The following ODAD3 variants were observed in gnomAD, a reference collection of about 807,000 sequenced individuals.
ODAD3 encodes the protein outer dynein arm docking complex subunit 3.
A neutral mutation model predicts 70.9 loss-of-function variants in ODAD3; 57 were observed. That is an observed-to-expected ratio of 0.80 (90% CI 0.65 to 1.00). ODAD3 has a LOEUF of 1.00. ODAD3 is among the 50% of genes least tolerant of loss of function. ODAD3 has a pLI of 0.00. For missense variants in ODAD3, 797 were observed against 763.9 expected (o/e 1.04, Z -0.51); for synonymous variants, 327 against 315.9 (o/e 1.04, Z -0.37).
At position 11,426,233 on chromosome 19, in the gene ODAD3, G is replaced by A. The variant is rs1308843878; in HGVS notation, c.874C>T (p.Arg292Ter). ...QLQYLEETLV[R>*]ERKKRERYIS... is the part of the protein sequence containing the mutation. Reference sequence around the variant, plus strand: ...TAGCGTTCCCGCTTCTTGCGCTCTCGAACCAAGGTCTCCTCTAGGTACTGC... The same window carrying A: ...TAGCGTTCCCGCTTCTTGCGCTCTCAAACCAAGGTCTCCTCTAGGTACTGC... Residue 292 changes from arginine (R) to a stop codon, truncating the protein, a stop_gained, in exon 7 of 13, where the codon CGA becomes TGA. Transcript: ENST00000356392. LOFTEE classifies it high-confidence loss of function. 1.9e-6 allele frequency: 3 copies of A among 1,613,736 alleles called. No homozygotes were observed. Among genetic ancestry groups the A allele is most frequent in the Non-Finnish European group, 1.7e-6 (2 of 1,179,958 alleles).
upstream of ODAD3, chr19:11,435,285 G>C (rs991792475): frequency 3.5e-5 from 38 of 1,091,174 alleles, no homozygotes; most frequent in Admixed American, 7.2e-4. Context: ...CAGTGGGCGG[G>C]GTAGAGCCGC....
intron 7 of ODAD3, among the ~76,000 whole-genome samples, chr19:11,425,407 A>G (rs200627919): frequency 8.1e-5 from 9 of 110,588 alleles, no homozygotes; most frequent in East Asian, 5.3e-4. Context: ...ATATGTATAT[A>G]TACATATATG....
chr19:11,433,579 T>C (rs913205396), intron 1 of ODAD3, among the ~76,000 whole-genome samples: 1 of 152,170 alleles, frequency 6.6e-6, no homozygotes, highest in Non-Finnish European at 1.5e-5. Context: ...TCCCCCAAGG[T>C]TGGACAACTA....
Position 11,430,772 on chromosome 19 carries a change from T to C in ODAD3, c.371A>G (p.Asp124Gly), listed in dbSNP as rs1969486155. 1.2e-6 allele frequency: 2 copies of C among 1,613,962 alleles called. No individual in the cohort carries two copies. The highest frequency in any genetic ancestry group is 8.5e-7 in the Non-Finnish European group (1 of 1,179,996). ...ELKLLDLLKG[D>G]EKVVQAVIRE... is the part of the protein sequence containing the mutation. ...AATCACTGCCTGGACCACTTTCTCA[T>C]CTCCCTGCAAGGAGGGAAGTCCAGT... Residue 124 changes from aspartate (D) to glycine (G), a missense_variant, in exon 3 of 13, where the codon GAT (aspartate) becomes GGT (glycine). Coordinates refer to ENST00000356392, the MANE Select transcript of ODAD3 (RefSeq NM_145045.5).
chr19:11,426,997 T>G lies in ODAD3; in HGVS notation c.488A>C (p.Gln163Pro), dbSNP rs1468557344. The change falls in exon 4 of 13, where the codon CAG becomes CCG. Residue 163 changes from glutamine to proline, a missense_variant. Transcript: ENST00000356392. ...LDHRLREKVK[Q>P]QNALRHQVVL... is the part of the protein sequence containing the mutation. ...CACCTGGTGCCGCAGGGCGTTCTGC[T>G]GCTTCACCTTCTCCCTCAGCCGGTG... 6.2e-7 allele frequency: 1 copy of G among 1,603,826 alleles called. No homozygotes were observed. Among genetic ancestry groups the G allele is most frequent in the Non-Finnish European group, 8.5e-7 (1 of 1,179,054 alleles).
At chr19:11,428,865 ATTTATTTAT>A (rs1568352869) in intron 3 of ODAD3, among the ~76,000 whole-genome samples, 1 of 117,832 alleles carries the variant, frequency 8.5e-6, no homozygotes, top group African/African-American at 2.9e-5. Flanking sequence ...TTTATTTTTT[ATTTATTTAT>A]TTATTTATTT....
chr19:11,435,360 A>C, upstream of ODAD3: 2 of 494,060 alleles, frequency 4.0e-6, no homozygotes, highest in Non-Finnish European at 6.8e-6. Flanking sequence ...TACCTCCCCC[A>C]ACCTTATCCC....
In ODAD3 at chr19:11,421,890, A is replaced by G. The variant is rs1157675411; in HGVS notation, c.1435-58T>C. ...GGGGTGGGGCCTCTTGGAAGGCTCC[A>G]CCCAGGGGCGGGGCTTTTCTTTCGG... On this transcript the variant is annotated intron_variant, in intron 10 of 12. Coordinates refer to ENST00000356392, the MANE Select transcript of ODAD3 (RefSeq NM_145045.5). 7 of 1,530,228 alleles carry G rather than the reference A, an allele frequency of 4.6e-6. No individual in the cohort carries two copies. The African/African-American group carries it at 7.0e-5, about 15-fold the overall frequency. 94.8% of individuals were successfully genotyped at this position (1,530,228 alleles called of 1,614,324 possible). A position where few individuals can be genotyped will look rare whatever the true frequency, so the allele number is the denominator to read the frequency against.
intron 7 of ODAD3, among the ~76,000 whole-genome samples, chr19:11,425,389 A>G (rs946451915): frequency 1.7e-5 from 2 of 120,950 alleles, no homozygotes; most frequent in Admixed American, 7.7e-5. Flanking sequence ...GTGTATGTAC[A>G]TATGTGTATA....
intron 5 of ODAD3, 39 bp downstream of exon 5, chr19:11,426,644 C>T (rs1969382333): frequency 6.2e-7 from 1 of 1,613,592 alleles, no homozygotes; most frequent in African/African-American, 1.3e-5. Flanking sequence ...AGCCCGCCCT[C>T]CCTGTTTGTC....
intron 11 of ODAD3, 28 bp from the exon 12 acceptor site, chr19:11,421,240 A>G (rs1214750472): frequency 1.2e-6 from 2 of 1,601,234 alleles, no homozygotes; most frequent in African/African-American, 1.3e-5. Flanking sequence ...GCGAGAGAGG[A>G]AGGTGGGCGG....
chr19:11,435,388 G>A, upstream of ODAD3: 4 of 422,192 alleles, frequency 9.5e-6, no homozygotes, highest in Middle Eastern at 1.7e-3. Flanking sequence ...GGGGTTCGCG[G>A]GCATTTTTCA....
Position 11,426,797 on chromosome 19 carries a change from A to G in ODAD3, c.613-13T>C. The G allele has an allele frequency of 6.2e-7, 1 of 1,613,810 alleles. No homozygotes were observed. Among genetic ancestry groups the G allele is most frequent in the Non-Finnish European group, 8.5e-7 (1 of 1,179,864 alleles). ...GGTTCCGCATGGTCTGGAGAGCAGC[A>G]GGGCTGGGCTGAGGGCCCTCCGCAC... On this transcript the variant is annotated splice_polypyrimidine_tract_variant and intron_variant, in intron 4 of 12. Transcript: ENST00000356392.
At chr19:11,435,379 G>A, upstream of ODAD3, 2 of 435,926 alleles carry the variant, frequency 4.6e-6, no homozygotes, top group Non-Finnish European at 4.1e-6. Flanking sequence ...CCGCCCCTGG[G>A]GGTTCGCGGG....
intron 3 of ODAD3, among the ~76,000 whole-genome samples, chr19:11,429,413 T>G (rs1199151150): frequency 6.6e-6 from 1 of 151,792 alleles, no homozygotes; most frequent in Non-Finnish European, 1.5e-5. Flanking sequence ...TATTTTTTAT[T>G]TATGTATTTA....
Position 11,420,850 on chromosome 19 carries a change from G to A in ODAD3, c.1773C>T (p.Arg591=). 1 of 1,614,014 alleles carries A rather than the reference G, an allele frequency of 6.2e-7. No individual in the cohort carries two copies. The highest frequency in any genetic ancestry group is 1.7e-5 in the Admixed American group (1 of 60,018). The change falls in exon 13 of 13, where the codon CGC becomes CGT. Residue 591 remains arginine (R), a synonymous_variant. Coordinates refer to ENST00000356392, the MANE Select transcript of ODAD3 (RefSeq NM_145045.5). ...CAGGACGAGTCTAGGACCTCCGAGA[G>A]CGACGGTGCTTCTTGTGACTTTCGA... The part of the protein sequence containing the change: ...KLIESHKKHR[R]SRRS
At position 11,423,858 on chromosome 19, in the gene ODAD3, G is replaced by A; in HGVS notation, c.1116+19C>T. Reference sequence around the variant, plus strand: ...GGTGGGGGGGGGGCGCGGCGGAGAGGGCTGCGGGCAGAACTCACGTGCGTC... The same window carrying A: ...GGTGGGGGGGGGGCGCGGCGGAGAGAGCTGCGGGCAGAACTCACGTGCGTC... On this transcript the variant is annotated intron_variant, in intron 8 of 12. Coordinates refer to ENST00000356392, the MANE Select transcript of ODAD3 (RefSeq NM_145045.5). 1 of 1,594,468 alleles carries A rather than the reference G, an allele frequency of 6.3e-7. No individual in the cohort carries two copies. The highest frequency in any genetic ancestry group is 8.6e-7 in the Non-Finnish European group (1 of 1,169,422).
rs1183370663 is a variant in ODAD3 at position 11,423,900 on chromosome 19, C to T, written c.1093G>A (p.Ala365Thr). The change falls in exon 8 of 13, where the codon GCC becomes ACC. Residue 365 changes from alanine (A) to threonine (T), a missense_variant. By Grantham distance (58) the Ala-to-Thr change is moderately conservative. Transcript: ENST00000356392. ...MEVIFGKVKDATGTDETHSLV... is the reference protein window; with the variant it reads ...MEVIFGKVKDTTGTDETHSLV... The stretch of plus-strand genomic sequence containing the variant: ...ACGTGCGTCTCGTCAGTGCCAGTGG[C>T]GTCCTTGACCTTGCCAAAGATCACC... 2 of 1,612,166 alleles carry T rather than the reference C, an allele frequency of 1.2e-6. No individual in the cohort carries two copies. The highest frequency in any genetic ancestry group is 8.5e-7 in the Non-Finnish European group (1 of 1,179,746).
At chr19:11,431,830 C>G (rs1166653161) in intron 1 of ODAD3, among the ~76,000 whole-genome samples, 1 of 150,920 alleles carries the variant, frequency 6.6e-6, no homozygotes, top group Non-Finnish European at 1.5e-5. Context: ...GTAGTCCCAG[C>G]TACTCAGGGG....
Sources: allele counts gnomAD v4.1 joint callset (sites outside exome capture counted in the v4.1 genomes callset), GRCh38; gene constraint gnomAD v4.1.1; transcripts MANE v1.5; gene names NCBI Gene and HGNC (gene_info 2026-07-23, HGNC 2026-07-21).